The following LRRC4C variants were observed in gnomAD, a reference collection of about 807,000 sequenced individuals.
The protein encoded by LRRC4C is leucine-rich repeat-containing protein 4C.
In LRRC4C, 5 loss-of-function variants were observed where a neutral mutation model predicts 33.6. That is an observed-to-expected ratio of 0.15 (90% CI 0.08 to 0.31). The LOEUF is 0.31. Ranked by LOEUF, LRRC4C falls within the 10% of genes least tolerant of loss-of-function variation. LRRC4C has a pLI of 1.00. For missense variants in LRRC4C, 560 were observed against 796.7 expected (o/e 0.70, Z 3.58); for synonymous variants, 329 against 302.0 (o/e 1.09, Z -0.93).
intron 3 of LRRC4C, among the ~76,000 whole-genome samples, chr11:40,328,312 G>A (rs889362535): frequency 5.3e-5 from 8 of 152,098 alleles, no homozygotes; most frequent in African/African-American, 1.7e-4. Flanking sequence ...TAGGCTCTCC[G>A]TTTTTTATTT....
chr11:40,713,698 T>G, intron 2 of LRRC4C, among the ~76,000 whole-genome samples: 1 of 152,230 alleles, frequency 6.6e-6, no homozygotes, highest in East Asian at 1.9e-4. Context: ...AGTAGTTTTC[T>G]TGTTTCTCCT....
At chr11:41,045,974 T>A (rs985502985) in intron 1 of LRRC4C, among the ~76,000 whole-genome samples, 1 of 152,144 alleles carries the variant, frequency 6.6e-6, no homozygotes, top group African/African-American at 2.4e-5. Context: ...TCATTTTGTA[T>A]CCTGACTCCT....
At chr11:40,125,272 A>G (rs1427379129) in intron 6 of LRRC4C, among the ~76,000 whole-genome samples, 1 of 152,164 alleles carries the variant, frequency 6.6e-6, no homozygotes, top group African/African-American at 2.4e-5. Context: ...TTCTGTTTCT[A>G]GATATCGTTG....
At chr11:40,148,628 G>C (rs975816075) in intron 5 of LRRC4C, among the ~76,000 whole-genome samples, 19 of 152,062 alleles carry the variant, frequency 1.2e-4, no homozygotes, top group African/African-American at 4.6e-4. Context: ...CCATTCTGGG[G>C]GTTGTCTGTT....
chr11:40,790,372 T>G (rs1401007308), intron 2 of LRRC4C, among the ~76,000 whole-genome samples: 3 of 152,322 alleles, frequency 2.0e-5, no homozygotes, highest in African/African-American at 7.2e-5. Flanking sequence ...ATAATCTCAT[T>G]AATAGAAATC....
intron 2 of LRRC4C, among the ~76,000 whole-genome samples, chr11:40,905,393 A>G (rs1397792183): frequency 1.3e-5 from 2 of 151,780 alleles, no homozygotes; most frequent in African/African-American, 4.8e-5. Flanking sequence ...TATAGAAGGC[A>G]GGAAAAAAAA....
intron 2 of LRRC4C, among the ~76,000 whole-genome samples, chr11:40,918,794 T>C (rs966173364): frequency 2.6e-5 from 4 of 152,268 alleles, no homozygotes; most frequent in Admixed American, 2.6e-4. Context: ...AGATTTTTTC[T>C]CTGTCATCAC....
chr11:41,215,202 A>T (rs1411294464), intron 1 of LRRC4C, among the ~76,000 whole-genome samples: 1 of 151,628 alleles, frequency 6.6e-6, no homozygotes, highest in Non-Finnish European at 1.5e-5. Context: ...TTTTTTAAAA[A>T]ACTGGCCAGG....
At chr11:40,811,109 T>C (rs1951469545) in intron 2 of LRRC4C, among the ~76,000 whole-genome samples, 1 of 152,182 alleles carries the variant, frequency 6.6e-6, no homozygotes, top group African/African-American at 2.4e-5. Context: ...GATGTTTAAT[T>C]GTGTTCTTCC....
At chr11:40,739,007 TTGTGTGTGTGTGTGTGTGTGTA>T (rs1948024664) in intron 2 of LRRC4C, among the ~76,000 whole-genome samples, 2 of 149,082 alleles carry the variant, frequency 1.3e-5, no homozygotes, top group Non-Finnish European at 3.0e-5. Flanking sequence ...ATAATTGCTA[TTGTGTGTGTGTGTGTGTGTGTA>T]TGTGTGTGTG....
intron 1 of LRRC4C, among the ~76,000 whole-genome samples, chr11:41,059,210 G>GTTGTTT (rs71060994): frequency 0.013 from 1,632 of 125,222 alleles, 60 homozygotes; most frequent in African/African-American, 0.043. Flanking sequence ...TAAAATAAAA[G>GTTGTTT]TTTTTTTTTT....
intron 1 of LRRC4C, chr11:41,222,782 G>GT (rs1487171447): frequency 3.5e-5 from 5 of 143,754 alleles, no homozygotes; most frequent in Admixed American, 2.1e-4. Context: ...AACTGGTATG[G>GT]AGAAAGTGGC....
rs530142255 is a variant in LRRC4C, at chr11:40,565,274, CG to C, written c.-270+82867del. On this transcript the variant is annotated intron_variant, in intron 3 of 6. Coordinates refer to ENST00000528697, the MANE Select transcript of LRRC4C (RefSeq NM_001258419.2). ...ATAAGAGACAGACTGTGGCTGCTATCGGGGGCAGTGTGCCCCTCAGGTCTCC... is the reference window on the plus strand; with the variant it reads ...ATAAGAGACAGACTGTGGCTGCTATCGGGGCAGTGTGCCCCTCAGGTCTCC... 6.5e-3 allele frequency among the ~76,000 whole-genome samples: 993 copies of C among 152,178 alleles called. 6 individuals are homozygous for C. The highest frequency in any genetic ancestry group is 0.023 in the African/African-American group (963 of 41,522).
intron 1 of LRRC4C, among the ~76,000 whole-genome samples, chr11:41,182,057 A>T (rs1043138840): frequency 2.0e-5 from 3 of 152,166 alleles, no homozygotes; most frequent in African/African-American, 7.2e-5. Flanking sequence ...TTTATTTTTG[A>T]TGTATTTGTT....
At chr11:40,980,209 A>G (rs982489831) in intron 1 of LRRC4C, among the ~76,000 whole-genome samples, 3 of 152,196 alleles carry the variant, frequency 2.0e-5, no homozygotes, top group African/African-American at 7.2e-5. Context: ...CTAAAATGGG[A>G]ATGCCATCAG....
At chr11:40,261,109 G>A (rs1271249353) in intron 4 of LRRC4C, among the ~76,000 whole-genome samples, 1 of 151,910 alleles carries the variant, frequency 6.6e-6, no homozygotes, top group Non-Finnish European at 1.5e-5. Context: ...TCAAACTCCT[G>A]ACCTCAAGTG....
At chr11:40,707,978 G>A (rs1946254913) in intron 2 of LRRC4C, among the ~76,000 whole-genome samples, 1 of 152,170 alleles carries the variant, frequency 6.6e-6, no homozygotes, top group African/African-American at 2.4e-5. Context: ...ATTTCTTCTA[G>A]ATTTTCTAGT....
chr11:40,303,407 T>C (rs1590248956), intron 4 of LRRC4C, among the ~76,000 whole-genome samples: 2 of 152,176 alleles, frequency 1.3e-5, no homozygotes, highest in Admixed American at 1.3e-4. Flanking sequence ...TCTATGAACA[T>C]GGGATGGGCT....
At chr11:40,307,657 C>A (rs1009145310) in intron 4 of LRRC4C, among the ~76,000 whole-genome samples, 2 of 152,130 alleles carry the variant, frequency 1.3e-5, no homozygotes, top group African/African-American at 4.8e-5. Context: ...GAATGAGATT[C>A]ATTGTTTTGT....
Sources: allele counts gnomAD v4.1 joint callset (sites outside exome capture counted in the v4.1 genomes callset), GRCh38; gene constraint gnomAD v4.1.1; transcripts MANE v1.5; gene names NCBI Gene and HGNC (gene_info 2026-07-23, HGNC 2026-07-21).